NKAIN3: variants seen among roughly 807,000 people sequenced by gnomAD.
NKAIN3 encodes the protein sodium/potassium transporting ATPase interacting 3.
NKAIN3 carries 25 observed loss-of-function variants against 30.2 expected under a neutral mutation model. The observed-to-expected ratio is 0.83, with a 90% confidence interval of 0.60 to 1.16. NKAIN3 has a LOEUF of 1.16. NKAIN3 is among the 50% of genes most tolerant of loss of function. The probability of loss-of-function intolerance (pLI) is 0.00; values close to 1 mark genes in which losing one functional copy is unlikely to be tolerated. For missense variants in NKAIN3, 225 were observed against 254.1 expected, an observed-to-expected ratio of 0.89 and a Z score of 0.78; for synonymous variants, 91 against 89.6, an observed-to-expected ratio of 1.02 and a Z score of -0.09.
At chr8:62,991,624 G>A (rs1824322769) in intron 5 of NKAIN3, among the ~76,000 whole-genome samples, 1 of 152,188 alleles carries the variant, frequency 6.6e-6, no homozygotes, top group East Asian at 1.9e-4. Context: ...ACTTCATTAA[G>A]TTTGTTTTCA....
chr8:62,750,995 GATCAC>G (rs1816263148), intron 4 of NKAIN3, among the ~76,000 whole-genome samples: 1 of 152,078 alleles, frequency 6.6e-6, no homozygotes, highest in African/African-American at 2.4e-5. Flanking sequence ...CCTGTAAGAT[GATCAC>G]AAAGCGCAAA....
chr8:62,502,387 A>G (rs1285343208), intron 1 of NKAIN3, among the ~76,000 whole-genome samples: 3 of 152,158 alleles, frequency 2.0e-5, no homozygotes, highest in Non-Finnish European at 4.4e-5. Flanking sequence ...CTGCTCTTTC[A>G]GAGTCCCTAG....
intron 3 of NKAIN3, among the ~76,000 whole-genome samples, chr8:62,628,081 C>T (rs559603702): frequency 3.3e-5 from 5 of 152,028 alleles, no homozygotes; most frequent in African/African-American, 9.7e-5. Context: ...ATGCTGGTTA[C>T]GTTCCATTCA....
At chr8:62,956,410 T>C (rs1389463958) in intron 6 of NKAIN3, among the ~76,000 whole-genome samples, 2 of 152,208 alleles carry the variant, frequency 1.3e-5, no homozygotes, top group Non-Finnish European at 2.9e-5. Flanking sequence ...AACAGGTAGC[T>C]TTGAACTCCA....
At chr8:62,489,624 TAA>T (rs1412912841) in intron 1 of NKAIN3, among the ~76,000 whole-genome samples, 1 of 152,202 alleles carries the variant, frequency 6.6e-6, no homozygotes, top group Non-Finnish European at 1.5e-5. Context: ...ACAGCATATT[TAA>T]AAGAGTTGTG....
intron 4 of NKAIN3, among the ~76,000 whole-genome samples, chr8:62,808,574 A>T (rs1455950806): frequency 6.6e-6 from 1 of 152,114 alleles, no homozygotes; most frequent in Non-Finnish European, 1.5e-5. Context: ...TTTAAAGCTG[A>T]GTGTCTGGGG....
chr8:62,406,385 G>C (rs1327757005), intron 1 of NKAIN3, among the ~76,000 whole-genome samples: 1 of 152,116 alleles, frequency 6.6e-6, no homozygotes, highest in Non-Finnish European at 1.5e-5. Flanking sequence ...GTGAAAGTTA[G>C]ATCATGCCCA....
chr8:62,345,435 ATG>A (rs1815927230), intron 1 of NKAIN3, among the ~76,000 whole-genome samples: 1 of 134,584 alleles, frequency 7.4e-6, no homozygotes, highest in Non-Finnish European at 1.5e-5. Flanking sequence ...ATACACATAT[ATG>A]TATATATACA....
intron 1 of NKAIN3, among the ~76,000 whole-genome samples, chr8:62,507,790 GA>G (rs1273223535): frequency 6.6e-6 from 1 of 152,152 alleles, no homozygotes; most frequent in Non-Finnish European, 1.5e-5. Flanking sequence ...TAAAAGAAAT[GA>G]TGCTTGTACT....
intron 3 of NKAIN3, among the ~76,000 whole-genome samples, chr8:62,741,987 C>T (rs1815915151): frequency 6.6e-6 from 1 of 152,110 alleles, no homozygotes; most frequent in African/African-American, 2.4e-5. Flanking sequence ...ATTCTACAAA[C>T]TATTCCTTGA....
rs1401998097 is a variant in NKAIN3 at position 62,974,853 on chromosome 8, G to A, written c.*9446G>A. 6.6e-6 allele frequency among the ~76,000 whole-genome samples: 1 copy of A among 152,160 alleles called. No homozygotes were observed. The highest frequency in any genetic ancestry group is 1.5e-5 in the Non-Finnish European group (1 of 68,028). ...ATGTTCCATCAATACCTAGTTTATTGAGTGTTTTTAGCATGAAGGAGGGTT... is the reference window on the plus strand; with the variant it reads ...ATGTTCCATCAATACCTAGTTTATTAAGTGTTTTTAGCATGAAGGAGGGTT... On this transcript the variant is annotated 3_prime_UTR_variant, in exon 7 of 7. Coordinates refer to ENST00000623646, the MANE Select transcript of NKAIN3 (RefSeq NM_001304533.3).
At chr8:62,812,921 C>T (rs28372292) in intron 4 of NKAIN3, among the ~76,000 whole-genome samples, 2,051 of 152,000 alleles carry the variant, frequency 0.013, 45 homozygotes, top group African/African-American at 0.045. Flanking sequence ...ATTATTGACA[C>T]ATCTTATCAG....
chr8:62,302,177 G>C (rs572446839), intron 1 of NKAIN3, among the ~76,000 whole-genome samples: 1 of 152,140 alleles, frequency 6.6e-6, no homozygotes, highest in South Asian at 2.1e-4. Flanking sequence ...TTCTATTTCA[G>C]GTTCGGCAAA....
intron 1 of NKAIN3, among the ~76,000 whole-genome samples, chr8:62,478,324 C>G (rs1806588269): frequency 6.6e-6 from 1 of 152,194 alleles, no homozygotes; most frequent in South Asian, 2.1e-4. Context: ...AACCATTAGA[C>G]TATTATGCCA....
intron 1 of NKAIN3, among the ~76,000 whole-genome samples, chr8:62,494,936 T>A (rs180692472): frequency 2.6e-5 from 4 of 152,270 alleles, no homozygotes; most frequent in African/African-American, 9.6e-5. Flanking sequence ...CCTATCAATC[T>A]TATTAGCTTT....
intron 1 of NKAIN3, among the ~76,000 whole-genome samples, chr8:62,281,919 A>T (rs975441396): frequency 6.6e-5 from 10 of 152,060 alleles, no homozygotes; most frequent in African/African-American, 1.4e-4. Flanking sequence ...ATTTTTTTTT[A>T]AAAAAGCATG....
chr8:62,312,834 A>C lies in NKAIN3; in HGVS notation c.54+63707A>C, dbSNP rs867466143. Reference sequence around the variant, plus strand: ...AGTGAACCTTGTCTCAAAAAAAAAAAAATGCTGTGATGGAGATGTGGGAGA... The same window carrying C: ...AGTGAACCTTGTCTCAAAAAAAAAACAATGCTGTGATGGAGATGTGGGAGA... On this transcript the variant is annotated intron_variant, in intron 1 of 6. Transcript: ENST00000623646. 8.9e-3 allele frequency among the ~76,000 whole-genome samples: 1,351 copies of C among 151,768 alleles called. 31 individuals carry two copies. The highest frequency in any genetic ancestry group is 0.031 in the African/African-American group (1,276 of 41,382).
intron 3 of NKAIN3, among the ~76,000 whole-genome samples, chr8:62,599,459 T>C (rs933600187): frequency 6.6e-6 from 1 of 152,054 alleles, no homozygotes; most frequent in African/African-American, 2.4e-5. Context: ...AAGAATTAAA[T>C]AATACCTATG....
At chr8:62,891,630 A>T (rs1387341621) in intron 4 of NKAIN3, among the ~76,000 whole-genome samples, 1 of 152,138 alleles carries the variant, frequency 6.6e-6, no homozygotes, top group Non-Finnish European at 1.5e-5. Flanking sequence ...GCTTGACTTC[A>T]CTATTAACTA....
Sources: allele counts gnomAD v4.1 joint callset (sites outside exome capture counted in the v4.1 genomes callset), GRCh38; gene constraint gnomAD v4.1.1; transcripts MANE v1.5; gene names NCBI Gene and HGNC (gene_info 2026-07-23, HGNC 2026-07-21).